The following ANXA11 variants were observed in gnomAD, a reference collection of about 807,000 sequenced individuals.
The protein encoded by ANXA11 is annexin A11.
A neutral mutation model predicts 64.7 loss-of-function variants in ANXA11; 57 were observed. The ratio of observed to expected loss-of-function variants is 0.88; its 90% confidence interval spans 0.71 to 1.10. The LOEUF (loss-of-function observed/expected upper bound fraction) is 1.10. Among genes scored for constraint, ANXA11 ranks in the 50% least tolerant of loss-of-function variants. The pLI, the probability that ANXA11 is intolerant of heterozygous loss-of-function variation, is 0.00. For missense variants in ANXA11, 675 were observed against 670.7 expected, an observed-to-expected ratio of 1.01 and a Z score of -0.07; for synonymous variants, 260 against 265.2, an observed-to-expected ratio of 0.98 and a Z score of 0.19.
chr10:80,157,120 AAAGAC>A (rs1845305447), intron 15 of ANXA11: 1 of 970,994 alleles, frequency 1.0e-6, no homozygotes, highest in African/African-American at 1.8e-5. Context: ...TTCTCATCTT[AAAGAC>A]AATGGAGCTG....
rs771462868 is a variant in ANXA11 at position 80,169,152 on chromosome 10, G to A, written c.378C>T (p.Ala126=). The A allele has an allele frequency of 1.9e-6, 3 of 1,563,416 alleles. No homozygotes were observed. The highest frequency in any genetic ancestry group is 8.6e-7 in the Non-Finnish European group (1 of 1,159,620). ...GTGGCATGGGCTGGCCCGGCACAGG[G>A]GCCCCTGGGTATGGCGGATATGAGG... ...RMPSYPPYPG[A]PVPGQPMPPP... The change falls in exon 5 of 16, where the codon GCC becomes GCT. Residue 126 remains alanine, a synonymous_variant. Coordinates refer to ENST00000422982, the MANE Select transcript of ANXA11 (RefSeq NM_145868.2).
At chr10:80,171,999 G>A in intron 3 of ANXA11, 1 of 846,952 alleles carries the variant, frequency 1.2e-6, no homozygotes, top group Non-Finnish European at 1.4e-6. Flanking sequence ...GGGAGGGAAG[G>A]TAAATGGCCT....
intron 1 of ANXA11, among the ~76,000 whole-genome samples, chr10:80,202,094 T>C (rs1030093159): frequency 6.6e-6 from 1 of 152,038 alleles, no homozygotes; most frequent in African/African-American, 2.4e-5. Context: ...GGTATCAACA[T>C]TGTCATCACC....
chr10:80,163,184 T>C (rs1845581325), intron 11 of ANXA11, among the ~76,000 whole-genome samples, 165 bp downstream of exon 11: 1 of 143,660 alleles, frequency 7.0e-6, no homozygotes, highest in Admixed American at 6.7e-5. Flanking sequence ...AGATTACCTG[T>C]TCTAGGTCAT....
chr10:80,172,869 T>C lies in ANXA11; in HGVS notation c.-8A>G, dbSNP rs766011052. 1.1e-5 allele frequency: 18 copies of C among 1,613,626 alleles called. No homozygotes were observed. The highest frequency in any genetic ancestry group is 1.4e-5 in the Non-Finnish European group (17 of 1,179,802). ...ATAGCCAGGGTAGCTCATGGTTAGA[T>C]CTGGAAGAGAAGACGAAAGCACATT... On this transcript the variant is annotated splice_region_variant and 5_prime_UTR_variant, in exon 3 of 16. Coordinates refer to ENST00000422982, the MANE Select transcript of ANXA11 (RefSeq NM_145868.2).
intron 1 of ANXA11, among the ~76,000 whole-genome samples, chr10:80,188,480 CATATATATATAT>C (rs71034291): frequency 0.089 from 8,982 of 100,578 alleles, 495 homozygotes; most frequent in Middle Eastern, 0.13. Context: ...AGTATTCTCA[CATATATATATAT>C]ATATATATAT....
chr10:80,166,894 C>T lies in ANXA11; in HGVS notation c.740G>A (p.Gly247Asp). The T allele has an allele frequency of 8.1e-6, 13 of 1,604,726 alleles. No homozygotes were observed. Among genetic ancestry groups the T allele is most frequent in the Non-Finnish European group, 1.1e-5 (13 of 1,176,598 alleles). Residue 247 changes from glycine to aspartate, a missense_variant, in exon 7 of 16, where the codon GGC (glycine) becomes GAC (aspartate). Physicochemically the swap from Gly to Asp is moderately conservative, Grantham distance 94. Transcript: ENST00000422982. The stretch of plus-strand genomic sequence containing the variant: ...CGCCCCCACCCCGCAGCTCGCCTTG[C>T]CGTAAGCCGTCTTGAAGGAAAGTAG... ...QILLSFKTAY[G>D]KDLIKDLKSE...
At chr10:80,181,654 C>T (rs553977160) in intron 1 of ANXA11, among the ~76,000 whole-genome samples, 1 of 152,168 alleles carries the variant, frequency 6.6e-6, no homozygotes, top group South Asian at 2.1e-4. Context: ...AGACACTTCA[C>T]CAAAGAGGAT....
chr10:80,188,095 C>T (rs951713879), intron 1 of ANXA11, among the ~76,000 whole-genome samples: 32 of 152,018 alleles, frequency 2.1e-4, no homozygotes, highest in African/African-American at 7.0e-4. Flanking sequence ...AATGTCTACC[C>T]CTAGATTCTT....
rs1554831652 is a variant in ANXA11, at chr10:80,166,032, A to ACGCATGCGCGCGTGCG, written c.858+51_858+52insCGCACGCGCGCATGCG. 6,514 of 961,274 alleles carry ACGCATGCGCGCGTGCG rather than the reference A, an allele frequency of 6.8e-3. 31 individuals are homozygous for ACGCATGCGCGCGTGCG. The highest frequency in any genetic ancestry group is 0.013 in the African/African-American group (409 of 31,994). The allele number at this position is 961,274 out of a possible 1,614,324, so 59.5% of individuals were successfully genotyped here. A position where few individuals can be genotyped will look rare whatever the true frequency, so the allele number is the denominator to read the frequency against. The stretch of plus-strand genomic sequence containing the variant: ...TGTCCACACGCATGCGCGCGTGCGC[A>ACGCATGCGCGCGTGCG]CACACGCGCGCACACACACACACAC... On this transcript the variant is annotated intron_variant, in intron 8 of 15. Transcript: ENST00000422982.
intron 1 of ANXA11, among the ~76,000 whole-genome samples, chr10:80,184,465 GTGATGTAACCCCATCATAAAGT>G (rs1303708653): frequency 6.6e-6 from 1 of 152,158 alleles, no homozygotes; most frequent in Non-Finnish European, 1.5e-5. Flanking sequence ...CCTTCTGAAA[GTGATGTAACCCCATCATAAAGT>G]TGAAAAACTG....
chr10:80,178,951 C>T (rs1039932126), intron 1 of ANXA11, among the ~76,000 whole-genome samples: 2 of 152,228 alleles, frequency 1.3e-5, no homozygotes, highest in Non-Finnish European at 2.9e-5. Context: ...CTCTAGGAAA[C>T]ACTCTTTCCC....
Position 80,155,657 on chromosome 10 carries a change from C to A in ANXA11, c.*196G>T. The A allele has an allele frequency of 1.8e-6, 1 of 569,920 alleles. No homozygotes were observed. Among genetic ancestry groups the A allele is most frequent in the Non-Finnish European group, 3.1e-6 (1 of 322,074 alleles). The allele number at this position is 569,920 out of a possible 1,614,324, so 35.3% of individuals were successfully genotyped here. On this transcript the variant is annotated 3_prime_UTR_variant, in exon 16 of 16. Coordinates refer to ENST00000422982, the MANE Select transcript of ANXA11 (RefSeq NM_145868.2). ...GCTGTGAGGGATGGGGTAGAAAAGG[C>A]ATCCTGAGAGAGTTCTAGACCGACC...
rs1391013106 is a variant in ANXA11, at chr10:80,205,502, G to C, written c.-217C>G. 6.6e-6 allele frequency: 1 copy of C among 152,074 alleles called. No homozygotes were observed. Among genetic ancestry groups the C allele is most frequent in the African/African-American group, 2.4e-5 (1 of 41,416 alleles). The allele number at this position is 152,074 out of a possible 1,614,324, so 9.4% of individuals were successfully genotyped here. On this transcript the variant is annotated 5_prime_UTR_variant, in exon 1 of 16. Coordinates refer to ENST00000422982, the MANE Select transcript of ANXA11 (RefSeq NM_145868.2). ...GGCACTCGGGGCACTGGGGAGCCGCGGGCGCAGCAGCCGTCAGCGCCGGGC... is the reference window on the plus strand; with the variant it reads ...GGCACTCGGGGCACTGGGGAGCCGCCGGCGCAGCAGCCGTCAGCGCCGGGC...
chr10:80,178,480 C>A (rs1846249759), intron 1 of ANXA11, among the ~76,000 whole-genome samples: 1 of 152,216 alleles, frequency 6.6e-6, no homozygotes, highest in Non-Finnish European at 1.5e-5. Flanking sequence ...TCTCTGGGGA[C>A]CTTCTGGCCT....
chr10:80,204,524 G>A (rs1258211555), intron 1 of ANXA11, among the ~76,000 whole-genome samples: 1 of 152,226 alleles, frequency 6.6e-6, no homozygotes, highest in African/African-American at 2.4e-5. Flanking sequence ...AATCTCTACA[G>A]AGAGGTCAAG....
rs992291583 is a variant in ANXA11, at chr10:80,154,789, G to GC, written c.*1063dup. The GC allele has an allele frequency of 1.3e-5, 2 of 152,212 alleles. No individual in the cohort carries two copies. The highest frequency in any genetic ancestry group is 2.9e-5 in the Non-Finnish European group (2 of 68,114). The allele number at this position is 152,212 out of a possible 1,614,324, so 9.4% of individuals were successfully genotyped here. A position where few individuals can be genotyped will look rare whatever the true frequency, so the allele number is the denominator to read the frequency against. ...TGGGTTGTCCCCATCCTTCTCTCTG[G>GC]CCCCCGCCGAGGGGCACCAGGAATT... On this transcript the variant is annotated 3_prime_UTR_variant, in exon 16 of 16. Coordinates refer to ENST00000422982, the MANE Select transcript of ANXA11 (RefSeq NM_145868.2).
intron 1 of ANXA11, among the ~76,000 whole-genome samples, 182 bp downstream of exon 1, chr10:80,205,161 G>A (rs1038994417): frequency 1.3e-5 from 2 of 152,034 alleles, no homozygotes; most frequent in African/African-American, 4.8e-5. Context: ...AGGCCGACAC[G>A]GCCCGCCCGC....
chr10:80,197,509 A>C (rs962558641), intron 1 of ANXA11, among the ~76,000 whole-genome samples: 3 of 152,124 alleles, frequency 2.0e-5, no homozygotes, highest in African/African-American at 4.8e-5. Flanking sequence ...CGGAGACCGA[A>C]CATCACCCCC....
Sources: allele counts gnomAD v4.1 joint callset (sites outside exome capture counted in the v4.1 genomes callset), GRCh38; gene constraint gnomAD v4.1.1; transcripts MANE v1.5; gene names NCBI Gene and HGNC (gene_info 2026-07-23, HGNC 2026-07-21).